The following CTNNA2 variants were observed in gnomAD, a reference collection of about 807,000 sequenced individuals.
The protein encoded by CTNNA2 is catenin alpha-2.
CTNNA2 carries 42 observed loss-of-function variants against 101.0 expected under a neutral mutation model. The ratio of observed to expected loss-of-function variants is 0.42; its 90% CI spans 0.32 to 0.54. The LOEUF (loss-of-function observed/expected upper bound fraction) is 0.54. CTNNA2 is among the 20% of genes least tolerant of loss of function. The pLI is 0.14. For synonymous variants in CTNNA2, 450 were observed against 456.4 expected (o/e 0.99, Z 0.18); for missense variants, 871 against 1,223.1 (o/e 0.71, Z 4.29).
rs138867137 is a variant in CTNNA2, at chr2:79,858,735, G to T, written c.465+556G>T. ...AAGTCAATCTTGTTTCACCAAGCCT[G>T]GCATCTAACATACCTGGATTGGTTC... On this transcript the variant is annotated intron_variant, in intron 4 of 18. Transcript: ENST00000402739. 2.2e-3 allele frequency among the ~76,000 whole-genome samples: 331 copies of T among 152,190 alleles called. 2 individuals carry two copies. Among genetic ancestry groups the T allele is most frequent in the African/African-American group, 7.3e-3 (301 of 41,516 alleles).
chr2:79,566,995 T>G (rs1675159292), intron 1 of CTNNA2, among the ~76,000 whole-genome samples: 1 of 152,144 alleles, frequency 6.6e-6, no homozygotes, highest in African/African-American at 2.4e-5. Context: ...GAAAACAAGA[T>G]ACTAGACCCA....
chr2:80,574,717 T>C (rs75551069), intron 13 of CTNNA2, among the ~76,000 whole-genome samples: 2,004 of 152,312 alleles, frequency 0.013, 51 homozygotes, highest in African/African-American at 0.046. Context: ...ACAGTTATTA[T>C]CATGCAACTA....
intron 2 of CTNNA2, among the ~76,000 whole-genome samples, chr2:79,717,314 C>G (rs1211823010): frequency 6.6e-6 from 1 of 152,192 alleles, no homozygotes; most frequent in Non-Finnish European, 1.5e-5. Flanking sequence ...CAGAAGTTTC[C>G]TTCCATCACT....
At chr2:80,359,411 CA>C (rs2149313867) in intron 7 of CTNNA2, among the ~76,000 whole-genome samples, 1 of 152,244 alleles carries the variant, frequency 6.6e-6, no homozygotes, top group East Asian at 1.9e-4. Flanking sequence ...AACTCATGTT[CA>C]GTTGTAATCC....
At chr2:79,922,036 A>G (rs1017795590) in intron 7 of CTNNA2, among the ~76,000 whole-genome samples, 1 of 152,216 alleles carries the variant, frequency 6.6e-6, no homozygotes, top group Admixed American at 6.5e-5. Flanking sequence ...GTCCTGCACC[A>G]GCCTTGGACT....
At chr2:80,124,103 T>C (rs1701992490) in intron 7 of CTNNA2, among the ~76,000 whole-genome samples, 1 of 152,128 alleles carries the variant, frequency 6.6e-6, no homozygotes, top group Admixed American at 6.5e-5. Flanking sequence ...CCTATAGTTT[T>C]GGCTTAGAAC....
chr2:79,499,671 A>T (rs930980110), intron 4 of CTNNA2, among the ~76,000 whole-genome samples: 2 of 152,116 alleles, frequency 1.3e-5, no homozygotes, highest in African/African-American at 4.8e-5. Flanking sequence ...CACACTGGCT[A>T]TAGTATCCCA....
intron 7 of CTNNA2, among the ~76,000 whole-genome samples, chr2:80,117,611 A>G (rs1300436568): frequency 6.6e-6 from 1 of 151,778 alleles, no homozygotes; most frequent in African/African-American, 2.4e-5. Flanking sequence ...TCATGCCCCA[A>G]CCCCCTGTGA....
chr2:80,478,989 A>T (rs1183467935), intron 9 of CTNNA2, among the ~76,000 whole-genome samples: 1 of 149,428 alleles, frequency 6.7e-6, no homozygotes, highest in Non-Finnish European at 1.5e-5. Context: ...AACAGTATTG[A>T]TTCTTCCAAT....
intron 7 of CTNNA2, among the ~76,000 whole-genome samples, chr2:80,122,777 A>G (rs1233664345): frequency 6.6e-6 from 1 of 152,142 alleles, no homozygotes; most frequent in Non-Finnish European, 1.5e-5. Flanking sequence ...GTGTGAATAG[A>G]TAATACAGTC....
chr2:79,450,495 G>C (rs1340354784), intron 4 of CTNNA2, among the ~76,000 whole-genome samples: 2 of 152,032 alleles, frequency 1.3e-5, no homozygotes, highest in African/African-American at 4.8e-5. Flanking sequence ...TTGAGTTTTA[G>C]AGATTATATA....
At chr2:79,639,764 A>G (rs1680321738) in intron 1 of CTNNA2, among the ~76,000 whole-genome samples, 1 of 152,190 alleles carries the variant, frequency 6.6e-6, no homozygotes, top group South Asian at 2.1e-4. Flanking sequence ...TAGTTTTAGT[A>G]TAACTCAAAT....
chr2:80,242,298 G>C (rs1671000743), intron 7 of CTNNA2, among the ~76,000 whole-genome samples: 1 of 152,154 alleles, frequency 6.6e-6, no homozygotes, highest in Non-Finnish European at 1.5e-5. Context: ...CTTGCTGTTT[G>C]CACAACCTGA....
chr2:80,030,956 T>G (rs1484519186), intron 7 of CTNNA2, among the ~76,000 whole-genome samples: 1 of 152,206 alleles, frequency 6.6e-6, no homozygotes, highest in Non-Finnish European at 1.5e-5. Flanking sequence ...AACAAATTTA[T>G]TCTATCCAGT....
chr2:80,197,273 T>C (rs575231073), intron 7 of CTNNA2, among the ~76,000 whole-genome samples: 10 of 152,296 alleles, frequency 6.6e-5, no homozygotes, highest in Middle Eastern at 3.4e-3. Flanking sequence ...TCTTAGCAAA[T>C]TGATTCACTT....
At position 80,073,771 on chromosome 2, in the gene CTNNA2, C is replaced by CACACACACACACTT. The variant is rs1553443664; in HGVS notation, c.1056+163974_1056+163975insACACACACACACTT. 9.1e-3 allele frequency among the ~76,000 whole-genome samples: 1,339 copies of CACACACACACACTT among 146,418 alleles called. 6 individuals are homozygous for CACACACACACACTT. The highest frequency in any genetic ancestry group is 0.013 in the Non-Finnish European group (864 of 66,940). On this transcript the variant is annotated intron_variant, in intron 7 of 18. Coordinates refer to ENST00000402739, the MANE Select transcript of CTNNA2 (RefSeq NM_001282597.3). ...ACACACACACACACACACACACACA[C>CACACACACACACTT]TTATAGGATTGGGGTCATATCACAT...
chr2:80,290,439 A>C (rs1305905211), intron 7 of CTNNA2, among the ~76,000 whole-genome samples: 1 of 152,004 alleles, frequency 6.6e-6, no homozygotes, highest in Non-Finnish European at 1.5e-5. Context: ...AGAAAGTAAA[A>C]GCGTCATGAA....
chr2:80,208,257 G>T, intron 7 of CTNNA2, among the ~76,000 whole-genome samples: 1 of 152,066 alleles, frequency 6.6e-6, no homozygotes, highest in East Asian at 1.9e-4. Context: ...TCATTTGTTT[G>T]TTTGTTTAGA....
intron 7 of CTNNA2, among the ~76,000 whole-genome samples, chr2:80,334,280 TA>T (rs1187892829): frequency 6.6e-6 from 1 of 152,182 alleles, no homozygotes; most frequent in African/African-American, 2.4e-5. Context: ...CTTCTCTGTG[TA>T]TGATGAGTCT....
Sources: allele counts gnomAD v4.1 joint callset (sites outside exome capture counted in the v4.1 genomes callset), GRCh38; gene constraint gnomAD v4.1.1; transcripts MANE v1.5; gene names NCBI Gene and HGNC (gene_info 2026-07-23, HGNC 2026-07-21).